Variants in SLC41A3 observed in about 807,000 individuals in gnomAD.
SLC41A3 encodes solute carrier family 41 member 3.
In SLC41A3, 44 loss-of-function variants were observed where a neutral mutation model predicts 45.4. The ratio of observed to expected loss-of-function variants is 0.97; its 90% CI spans 0.76 to 1.25. The LOEUF is 1.25. Ranked by LOEUF, SLC41A3 falls within the 50% of genes most tolerant of loss-of-function variation. The probability of loss-of-function intolerance (pLI) is 0.00; values close to 1 mark genes in which losing one functional copy is unlikely to be tolerated. For missense variants in SLC41A3, 550 were observed against 600.6 expected (o/e 0.92, Z 0.88); for synonymous variants, 256 against 252.4 (o/e 1.01, Z -0.13).
rs1944440591 is a variant in SLC41A3 at position 126,068,054 on chromosome 3, C to T, written c.166G>A (p.Glu56Lys). 1 of 1,613,870 alleles carries T rather than the reference C, an allele frequency of 6.2e-7. No individual in the cohort carries two copies. The highest frequency in any genetic ancestry group is 1.7e-5 in the Admixed American group (1 of 59,998). The change falls in exon 2 of 11, where the codon GAG becomes AAG. Residue 56 changes from glutamate to lysine, a missense_variant. Coordinates refer to ENST00000360370, the MANE Select transcript of SLC41A3 (RefSeq NM_017836.4). ...GACCAGGTGGTCTCCCTGCTAGGCTCAGTCTCCAGTGGCTTGGGGGTCACG... is the reference window on the plus strand; with the variant it reads ...GACCAGGTGGTCTCCCTGCTAGGCTTAGTCTCCAGTGGCTTGGGGGTCACG... Reference protein sequence around the residue: ...QSVTPKPLETEPSRETTWSIG... With the variant: ...QSVTPKPLETKPSRETTWSIG...
intron 8 of SLC41A3, among the ~76,000 whole-genome samples, chr3:126,013,306 T>C (rs1406715760): frequency 6.6e-6 from 1 of 151,660 alleles, no homozygotes; most frequent in Non-Finnish European, 1.5e-5. Context: ...ATGCCTGTAA[T>C]CCTAGCACTT....
chr3:126,098,082 T>G (rs1467132547), intron 1 of SLC41A3, among the ~76,000 whole-genome samples: 3 of 152,168 alleles, frequency 2.0e-5, no homozygotes, highest in African/African-American at 7.2e-5. Flanking sequence ...ATAAGATATA[T>G]TGGTAAATAA....
In SLC41A3 at chr3:126,008,908, T is replaced by A. The variant is rs746454105; in HGVS notation, c.1106-28A>T. The A allele has an allele frequency of 6.2e-6, 10 of 1,612,062 alleles. No homozygotes were observed. In the South Asian group the frequency reaches 1.1e-4, roughly 18 times the overall value. ...GAAAGAAACAGAACCAAGAAGGTCA[T>A]GTGACCTGAAGCGAGGCCACTTTGG... is the stretch of plus-strand genomic sequence containing the variant. On this transcript the variant is annotated intron_variant, in intron 9 of 10. Transcript: ENST00000360370.
intron 2 of SLC41A3, among the ~76,000 whole-genome samples, chr3:126,055,243 G>A (rs751068081): frequency 1.6e-4 from 24 of 152,166 alleles, no homozygotes; most frequent in Non-Finnish European, 2.4e-4. Flanking sequence ...GGCCAGGCAC[G>A]GTGGCTCACA....
intron 1 of SLC41A3, among the ~76,000 whole-genome samples, chr3:126,081,886 C>T (rs1193175807): frequency 6.6e-6 from 1 of 152,268 alleles, no homozygotes; most frequent in Non-Finnish European, 1.5e-5. Flanking sequence ...ACAGCAAACA[C>T]CAGAGCGGCA....
At position 126,026,917 on chromosome 3, in the gene SLC41A3, T is replaced by C. The variant is rs1051368285; in HGVS notation, c.454-438A>G. ...CACACGGGAGGACTTCACACACTTT[T>C]GGTCTCTCCTTTGGCACCCTGCTCA... On this transcript the variant is annotated intron_variant, in intron 4 of 10. Coordinates refer to ENST00000360370, the MANE Select transcript of SLC41A3 (RefSeq NM_017836.4). This position sits in a 1 kb window ranked among gnomAD's most constrained non-coding sequence, Gnocchi z 4.2. 6.6e-6 allele frequency among the ~76,000 whole-genome samples: 1 copy of C among 152,134 alleles called. No homozygotes were observed. Among genetic ancestry groups the C allele is most frequent in the Admixed American group, 6.6e-5 (1 of 15,262 alleles).
intron 4 of SLC41A3, among the ~76,000 whole-genome samples, chr3:126,031,887 C>A (rs1329313324): frequency 6.6e-6 from 1 of 152,234 alleles, no homozygotes; most frequent in Non-Finnish European, 1.5e-5. Context: ...AGCCACAGGA[C>A]ATGGTGCTAG....
chr3:126,016,665 C>A (rs1389793603), intron 7 of SLC41A3, 66 bp downstream of exon 7: 5 of 1,544,220 alleles, frequency 3.2e-6, no homozygotes, highest in Non-Finnish European at 4.3e-6. Context: ...GTGAGTGTCA[C>A]CCTGGTTCTA....
upstream of SLC41A3, among the ~76,000 whole-genome samples, chr3:126,086,823 C>CGCTATGCA (rs559792961): frequency 5.0e-3 from 761 of 152,172 alleles, 11 homozygotes; most frequent in African/African-American, 0.017. Context: ...ATGCCTAATA[C>CGCTATGCA]GCTATGCATT....
chr3:126,051,390 T>C (rs1274041250), intron 2 of SLC41A3, among the ~76,000 whole-genome samples: 1 of 152,092 alleles, frequency 6.6e-6, no homozygotes, highest in East Asian at 1.9e-4. Context: ...TTCTCATGAA[T>C]GGGGAGGCCT....
At position 126,006,575 on chromosome 3, in the gene SLC41A3, C is replaced by T. The variant is rs770992966; in HGVS notation, c.*441G>A. ...CCACGGAGCTTGAACCTGGTGAAGA[C>T]AGCAAGTAAGCCACAGCTCAAGAGT... is the stretch of plus-strand genomic sequence containing the variant. On this transcript the variant is annotated 3_prime_UTR_variant, in exon 11 of 11. Transcript: ENST00000360370. The T allele has an allele frequency of 1.9e-6, 3 of 1,590,408 alleles. No homozygotes were observed. Among genetic ancestry groups the T allele is most frequent in the African/African-American group, 2.7e-5 (2 of 73,020 alleles).
At chr3:126,045,544 G>A (rs1186394718) in intron 3 of SLC41A3, among the ~76,000 whole-genome samples, 4 of 152,086 alleles carry the variant, frequency 2.6e-5, no homozygotes, top group East Asian at 1.9e-4. Context: ...TATATTCCTC[G>A]AGAAACAATT....
intron 3 of SLC41A3, among the ~76,000 whole-genome samples, chr3:126,037,028 A>G (rs1191158538): frequency 6.6e-6 from 1 of 152,208 alleles, no homozygotes; most frequent in Non-Finnish European, 1.5e-5. Context: ...TCTCATGTGG[A>G]AATGTGATCC....
At chr3:126,082,608 G>C (rs1945214965) in intron 1 of SLC41A3, among the ~76,000 whole-genome samples, 1 of 152,152 alleles carries the variant, frequency 6.6e-6, no homozygotes, top group Non-Finnish European at 1.5e-5. Flanking sequence ...ATGGGGTTGG[G>C]GGGTATCCGC....
At chr3:126,051,294 C>A (rs955901016) in intron 2 of SLC41A3, among the ~76,000 whole-genome samples, 1 of 152,246 alleles carries the variant, frequency 6.6e-6, no homozygotes, top group African/African-American at 2.4e-5. Flanking sequence ...AGGCTGGAGG[C>A]CAGCGGGTGG....
chr3:126,086,797 A>C (rs1354566492), upstream of SLC41A3, among the ~76,000 whole-genome samples: 1 of 152,044 alleles, frequency 6.6e-6, no homozygotes, highest in Non-Finnish European at 1.5e-5. Flanking sequence ...AATACATAAG[A>C]TGTACTTCTA....
chr3:126,022,875 T>C lies in SLC41A3; in HGVS notation c.656A>G (p.Asn219Ser), dbSNP rs750261232. Residue 219 changes from asparagine to serine, a missense_variant, in exon 6 of 11, where the codon AAC becomes AGC. By Grantham distance (46) the Asn-to-Ser change is conservative. Coordinates refer to ENST00000360370, the MANE Select transcript of SLC41A3 (RefSeq NM_017836.4). Reference sequence around the variant, plus strand: ...GCTGGCTGCAATGGGCGTGGCAATGTTGTCTGGGTTGACCCCGAGCTTTCG... The same window carrying C: ...GCTGGCTGCAATGGGCGTGGCAATGCTGTCTGGGTTGACCCCGAGCTTTCG... ...GARKLGVNPD[N>S]IATPIAASLG... 7.4e-6 allele frequency: 12 copies of C among 1,614,140 alleles called. No homozygotes were observed. Among genetic ancestry groups the C allele is most frequent in the Non-Finnish European group, 1.0e-5 (12 of 1,180,016 alleles).
chr3:126,021,885 T>A, intron 6 of SLC41A3, among the ~76,000 whole-genome samples: 1 of 152,210 alleles, frequency 6.6e-6, no homozygotes, highest in African/African-American at 2.4e-5. Context: ...TACAAAGAAT[T>A]TACATTAAAA....
intron 4 of SLC41A3, among the ~76,000 whole-genome samples, chr3:126,031,102 C>T (rs1430575173): frequency 6.6e-6 from 1 of 152,056 alleles, no homozygotes; most frequent in Non-Finnish European, 1.5e-5. Flanking sequence ...TATGTTTAAA[C>T]AATACAGAAA....
Sources: gnomAD v4.1 joint callset for allele counts (sites outside exome capture counted in the v4.1 genomes callset) on GRCh38, gnomAD v4.1.1 for gene constraint, Gnocchi (gnomAD v3.1) non-coding constraint, MANE v1.5 for transcripts, NCBI Gene and HGNC (gene_info 2026-07-23, HGNC 2026-07-21) for gene names.